The following VPS11 variants were observed in gnomAD, a reference collection of about 807,000 sequenced individuals.
The protein encoded by VPS11 is VPS11 core subunit of CORVET and HOPS complexes, also known as vacuolar protein sorting-associated protein 11 homolog.
In VPS11, 51 loss-of-function variants were observed where a neutral mutation model predicts 106.8. The observed-to-expected ratio is 0.48, with a 90% CI of 0.38 to 0.60. VPS11 has a LOEUF of 0.60. Among genes scored for constraint, VPS11 ranks in the 20% least tolerant of loss-of-function variants. The probability of loss-of-function intolerance (pLI) is 0.00; values close to 1 mark genes in which losing one functional copy is unlikely to be tolerated. For synonymous variants in VPS11, 453 were observed against 458.7 expected (o/e 0.99, Z 0.16); for missense variants, 950 against 1,190.0 (o/e 0.80, Z 2.97).
In VPS11 at chr11:119,081,035, T is replaced by C. The variant is rs1285036495; in HGVS notation, c.2439-57T>C. 33 of 1,518,092 alleles carry C rather than the reference T, an allele frequency of 2.2e-5. No individual in the cohort carries two copies. The East Asian group carries it at 6.3e-4, about 29-fold the overall frequency. 94.0% of individuals were successfully genotyped at this position (1,518,092 alleles called of 1,614,324 possible). A position where few individuals can be genotyped will look rare whatever the true frequency, so the allele number is the denominator to read the frequency against. On this transcript the variant is annotated intron_variant, in intron 14 of 15. Transcript: ENST00000621676. Reference sequence around the variant, plus strand: ...CTTCAGCTGCCTTCTTTCTCATCCTTGACTCCTGGCCTTGCCCTCACTTTT... The same window carrying C: ...CTTCAGCTGCCTTCTTTCTCATCCTCGACTCCTGGCCTTGCCCTCACTTTT...
At chr11:119,080,027 A>C (rs559031167) in intron 14 of VPS11, among the ~76,000 whole-genome samples, 17 of 152,336 alleles carry the variant, frequency 1.1e-4, no homozygotes, top group African/African-American at 3.6e-4. Flanking sequence ...ATGTTGTAGA[A>C]GAGACAGACA....
intron 9 of VPS11, 27 bp from the exon 10 acceptor site, chr11:119,077,851 A>G (rs375582928): frequency 6.2e-6 from 10 of 1,612,844 alleles, no homozygotes; most frequent in African/African-American, 1.3e-5. Context: ...AGGAGTATAC[A>G]CTATTCTGCC....
At chr11:119,074,928 G>C (rs1347160937) in intron 7 of VPS11, among the ~76,000 whole-genome samples, 2 of 152,124 alleles carry the variant, frequency 1.3e-5, no homozygotes, top group Non-Finnish European at 2.9e-5. Flanking sequence ...CCTTCCATCA[G>C]TACTAATTCT....
chr11:119,077,412 C>G (rs1945665630), intron 8 of VPS11, 89 bp from the exon 9 acceptor site: 2 of 1,498,974 alleles, frequency 1.3e-6, no homozygotes, highest in Non-Finnish European at 1.8e-6. Context: ...TATGATATCA[C>G]CTTAGGAATC....
Position 119,071,841 on chromosome 11 carries a change from C to G in VPS11, c.882C>G (p.Pro294=). 1 of 1,611,226 alleles carries G rather than the reference C, an allele frequency of 6.2e-7. No individual in the cohort carries two copies. Among genetic ancestry groups the G allele is most frequent in the Non-Finnish European group, 8.5e-7 (1 of 1,177,660 alleles). The change falls in exon 5 of 16, where the codon CCC becomes CCG. Residue 294 remains proline, a splice_region_variant and synonymous_variant. Coordinates refer to ENST00000621676, the MANE Select transcript of VPS11 (RefSeq NM_021729.6). The part of the protein sequence containing the change: ...IIVSRDRKVS[P]KSEFTSRDSQ... ...TCTCCCGTGACCGGAAGGTTTCTCC[C>G]AAGTAAGGACTCAGTGAGAAGGGAC...
chr11:119,068,152 A>C, intron 1 of VPS11, 142 bp downstream of exon 1: 1 of 983,994 alleles, frequency 1.0e-6, no homozygotes, highest in Non-Finnish European at 1.4e-6. Flanking sequence ...GGTCTACGGG[A>C]AGAAAGAAGG....
chr11:119,070,027 T>TAAATAAATAAATAAA (rs1252189260), intron 3 of VPS11, among the ~76,000 whole-genome samples: 1 of 32,396 alleles, frequency 3.1e-5, no homozygotes, highest in African/African-American at 1.1e-4. Context: ...AATAAATAAA[T>TAAATAAATAAATAAA]AAAATAAATA....
Position 119,072,934 on chromosome 11 carries a change from T to C in VPS11, c.885-264T>C, listed in dbSNP as rs1169988052. On this transcript the variant is annotated intron_variant, in intron 5 of 15. Coordinates refer to ENST00000621676, the MANE Select transcript of VPS11 (RefSeq NM_021729.6). ...TTTACATATACCATGTATTGGATTATTATTTTCTAAATGAATGGATATGTT... is the reference window on the plus strand; with the variant it reads ...TTTACATATACCATGTATTGGATTACTATTTTCTAAATGAATGGATATGTT... 1.2e-5 allele frequency: 6 copies of C among 485,808 alleles called. No homozygotes were observed. The South Asian group carries it at 1.3e-4, about 11-fold the overall frequency. The allele number at this position is 485,808 out of a possible 1,614,324, so 30.1% of individuals were successfully genotyped here. A position where few individuals can be genotyped will look rare whatever the true frequency, so the allele number is the denominator to read the frequency against.
At position 119,081,678 on chromosome 11, in the gene VPS11, G is replaced by A. The variant is rs1229571301; in HGVS notation, c.*55G>A. On this transcript the variant is annotated 3_prime_UTR_variant, in exon 16 of 16. Coordinates refer to ENST00000621676, the MANE Select transcript of VPS11 (RefSeq NM_021729.6). ...GGAGGACCAAGAGAACAGACACAATGGGACCTGGGCGGGCGTTACACAGAA... is the reference window on the plus strand; with the variant it reads ...GGAGGACCAAGAGAACAGACACAATAGGACCTGGGCGGGCGTTACACAGAA... 4.4e-6 allele frequency: 7 copies of A among 1,594,646 alleles called. 1 individual carries two copies. The highest frequency in any genetic ancestry group is 5.1e-6 in the Non-Finnish European group (6 of 1,169,286).
rs1488674255 is a variant in VPS11 at position 119,077,898 on chromosome 11, A to G, written c.1593A>G (p.Arg531=). 2 of 1,613,922 alleles carry G rather than the reference A, an allele frequency of 1.2e-6. No individual in the cohort carries two copies. The highest frequency in any genetic ancestry group is 2.2e-5 in the East Asian group (1 of 44,902). Residue 531 remains arginine, a synonymous_variant, in exon 10 of 16, where the codon CGA becomes CGG. Transcript: ENST00000621676. ...CACAGAATTATCAGGAAGCCCTTCGATACATCGGCAAGCTGCCTTTTGAGC... is the reference window on the plus strand; with the variant it reads ...CACAGAATTATCAGGAAGCCCTTCGGTACATCGGCAAGCTGCCTTTTGAGC... ...EDIKNYQEAL[R]YIGKLPFEQA...
chr11:119,079,795 G>A (rs550762191), intron 14 of VPS11, among the ~76,000 whole-genome samples: 6 of 152,236 alleles, frequency 3.9e-5, no homozygotes, highest in South Asian at 2.1e-4. Context: ...GGCTGGTCTC[G>A]AACTCCTGGC....
chr11:119,081,502 T>G lies in VPS11; in HGVS notation c.2705T>G (p.Phe902Cys). The G allele has an allele frequency of 6.2e-7, 1 of 1,614,042 alleles. No homozygotes were observed. Among genetic ancestry groups the G allele is most frequent in the Non-Finnish European group, 8.5e-7 (1 of 1,179,906 alleles). The change falls in exon 16 of 16, where the codon TTT becomes TGT. Residue 902 changes from phenylalanine (F) to cysteine (C), a missense_variant. Around this residue, in one of 3 missense-constraint regions of VPS11, gnomAD observed 453 missense variants for 514.6 expected, o/e 0.88. Coordinates refer to ENST00000621676, the MANE Select transcript of VPS11 (RefSeq NM_021729.6). ...NDSFSVIADY[F>C]GRGVFNKLTL... The stretch of plus-strand genomic sequence containing the variant: ...AGCTTTTCTGTGATTGCTGACTACT[T>G]TGGCAGAGGTGTTTTCAACAAATTG...
rs368587801 is a variant in VPS11, at chr11:119,081,074, G to A, written c.2439-18G>A. ...GCCCTCACTTTTGCCACTCACTTCT[G>A]GTCTTTCTTCCCTGTAGTCCTAAGA... On this transcript the variant is annotated intron_variant, in intron 14 of 15. Transcript: ENST00000621676. 9 of 1,609,850 alleles carry A rather than the reference G, an allele frequency of 5.6e-6. No individual in the cohort carries two copies. In the African/African-American group the frequency reaches 9.4e-5, roughly 17 times the overall value.
intron 6 of VPS11, 102 bp from the exon 7 acceptor site, chr11:119,073,698 C>A (rs1268981671): frequency 1.5e-6 from 2 of 1,329,264 alleles, no homozygotes; most frequent in Admixed American, 4.1e-5. Flanking sequence ...CTAGGCAGAT[C>A]AGAAATCCAG....
intron 5 of VPS11, 118 bp downstream of exon 5, chr11:119,071,961 G>A: frequency 4.4e-6 from 6 of 1,356,418 alleles, no homozygotes; most frequent in Non-Finnish European, 6.0e-6. Context: ...CCGGTGTTAT[G>A]TAGGTAACAT....
At position 119,076,926 on chromosome 11, in the gene VPS11, T is replaced by A. The variant is rs782507042; in HGVS notation, c.1268T>A (p.Val423Glu). The A allele has an allele frequency of 6.2e-7, 1 of 1,613,928 alleles. No homozygotes were observed. The highest frequency in any genetic ancestry group is 1.3e-5 in the African/African-American group (1 of 74,944). The change falls in exon 8 of 16, where the codon GTG becomes GAG. Residue 423 changes from valine (V) to glutamate (E), a missense_variant. Val to Glu is a moderately radical substitution (Grantham distance 121). This residue lies in a region of VPS11 where 435 missense variants were observed against 630.2 expected (regional missense o/e 0.69). Coordinates refer to ENST00000621676, the MANE Select transcript of VPS11 (RefSeq NM_021729.6). ...RTIGKLEPSY[V>E]IRKFLDAQRI... is the part of the protein sequence containing the mutation. ...ATTGGAAAGTTGGAGCCATCCTACG[T>A]GATCCGCAAGTTTCTGGATGCCCAG... is the stretch of plus-strand genomic sequence containing the variant.
At chr11:119,070,474 G>A (rs1945335796) in intron 4 of VPS11, 77 bp downstream of exon 4, 2 of 1,388,810 alleles carry the variant, frequency 1.4e-6, no homozygotes, top group African/African-American at 1.4e-5. Context: ...GTAATGAAGT[G>A]ACAGGAAAGG....
At chr11:119,073,516 A>G (rs540676611) in intron 6 of VPS11, 117 bp downstream of exon 6, 4 of 1,284,972 alleles carry the variant, frequency 3.1e-6, no homozygotes, top group African/African-American at 1.5e-5. Context: ...AGCCTTACTC[A>G]GCTTCCTTAG....
intron 1 of VPS11, 142 bp from the exon 2 acceptor site, chr11:119,069,054 C>T: frequency 1.3e-6 from 1 of 793,308 alleles, no homozygotes; most frequent in South Asian, 1.8e-5. Context: ...GTCACCGCGC[C>T]TGGCCTCACT....
Sources: gnomAD v4.1 joint callset for allele counts (sites outside exome capture counted in the v4.1 genomes callset) on GRCh38, gnomAD v4.1.1 for gene constraint, gnomAD v4.1.1 regional missense constraint, MANE v1.5 for transcripts, NCBI Gene and HGNC (gene_info 2026-07-23, HGNC 2026-07-21) for gene names.